The following ADGRD2 variants were observed in gnomAD, a reference collection of about 807,000 sequenced individuals.
The protein encoded by ADGRD2 is G protein-coupled receptor PGR24.
Under a neutral mutation model 44.4 loss-of-function variants are expected in ADGRD2, and 71 were observed. The ratio of observed to expected loss-of-function variants is 1.60; its 90% CI spans 1.32 to 1.95. ADGRD2 has a LOEUF of 1.95. Ranked by LOEUF, ADGRD2 falls within the 30% of genes most tolerant of loss-of-function variation. The pLI, the probability that ADGRD2 is intolerant of heterozygous loss-of-function variation, is 0.00. For missense variants in ADGRD2, 1,039 were observed against 512.4 expected (o/e 2.03, Z -9.92); for synonymous variants, 481 against 224.8 (o/e 2.14, Z -10.19).
At chr9:124,451,000 C>G (rs570552253), upstream of ADGRD2, 41 of 466,628 alleles carry the variant, frequency 8.8e-5, no homozygotes, top group Non-Finnish European at 1.6e-4. Flanking sequence ...TTAGGGTATC[C>G]CCGCTGAGCA....
exon 3 of ADGRD2, chr9:124,453,549 C>A (rs1458873698): frequency 2.9e-6 from 2 of 697,896 alleles, no homozygotes; most frequent in South Asian, 1.5e-5. Flanking sequence ...CGCTGAGCCC[C>A]GCTCAGCTGC....
At chr9:124,469,154 C>T (rs1588607564) in intron 14 of ADGRD2, 68 bp from the exon 18 acceptor site, 8 of 657,520 alleles carry the variant, frequency 1.2e-5, no homozygotes, top group East Asian at 8.1e-5. Flanking sequence ...GCTTGGGGGG[C>T]GGATCCTGGG....
chr9:124,469,243 C>A (rs370622173), exon 15 of ADGRD2: 1 of 715,908 alleles, frequency 1.4e-6, no homozygotes, highest in South Asian at 1.5e-5. Flanking sequence ...GGCATCGTGG[C>A]GGTCACCCTG....
At position 124,477,021 on chromosome 9, in the gene ADGRD2, G is replaced by A. The variant is rs1419751016; in HGVS notation, c.*18+312G>A. 7 of 633,592 alleles carry A rather than the reference G, an allele frequency of 1.1e-5. No individual in the cohort carries two copies. The Admixed American group carries it at 1.5e-4, about 13-fold the overall frequency. 39.2% of individuals were successfully genotyped at this position (633,592 alleles called of 1,614,324 possible). The stretch of plus-strand genomic sequence containing the variant: ...CAGGGGGGCGCTGCCAAGGAGCACA[G>A]CCTGCCTTTCTCTGTCCTCCCCCTC... On this transcript the variant is annotated intron_variant, in intron 21 of 21. Coordinates refer to ENST00000334810, the Ensembl canonical transcript of ADGRD2.
chr9:124,468,055 G>A (rs1453025761), intron 12 of ADGRD2, 33 bp from the exon 16 acceptor site: 2 of 718,214 alleles, frequency 2.8e-6, no homozygotes, highest in South Asian at 3.0e-5. Flanking sequence ...CAGCAGTGGT[G>A]TTCTTGTTAA....
chr9:124,475,580 G>A (rs985803876), exon 19 of ADGRD2: 58 of 699,558 alleles, frequency 8.3e-5, no homozygotes, highest in African/African-American at 7.4e-4. Flanking sequence ...GGTGCGGAGC[G>A]CCCTGCAGAG....
chr9:124,468,302 G>A, intron 13 of ADGRD2, 112 bp downstream of exon 16: 3 of 695,730 alleles, frequency 4.3e-6, no homozygotes, highest in Non-Finnish European at 7.9e-6. Flanking sequence ...CCACTTCCCT[G>A]GGGAGGAGCA....
At chr9:124,455,207 G>A (rs1350104645) in intron 6 of ADGRD2, 80 bp downstream of exon 9, 7 of 604,370 alleles carry the variant, frequency 1.2e-5, no homozygotes. Flanking sequence ...GTAGCTGTGG[G>A]GGAGTCAGCA....
In ADGRD2 at chr9:124,454,116, C is replaced by A; in HGVS notation, c.1022+19C>A. On this transcript the variant is annotated intron_variant, in intron 4 of 21. Transcript: ENST00000334810. This position sits in a 1 kb window ranked among gnomAD's most constrained non-coding sequence, Gnocchi z 4.5. ...CGGACAGGTGCGCCCTGGCTGTACC[C>A]CTGGGCTCTGCTGAAGGGAAAGCCG... 1.5e-6 allele frequency: 1 copy of A among 669,908 alleles called. No homozygotes were observed. The allele number at this position is 669,908 out of a possible 1,614,324, so 41.5% of individuals were successfully genotyped here. A position where few individuals can be genotyped will look rare whatever the true frequency, so the allele number is the denominator to read the frequency against.
intron 17 of ADGRD2, among the ~76,000 whole-genome samples, chr9:124,473,947 G>A (rs1829282102): frequency 6.6e-6 from 1 of 152,080 alleles, no homozygotes; most frequent in Non-Finnish European, 1.5e-5. Context: ...GAGTGTGGGG[G>A]GCAGACAGAG....
intron 17 of ADGRD2, among the ~76,000 whole-genome samples, chr9:124,471,542 A>G (rs905499721): frequency 2.0e-5 from 3 of 152,136 alleles, no homozygotes; most frequent in Non-Finnish European, 4.4e-5. Flanking sequence ...TGTATCTCCC[A>G]ATAAGCCTTG....
At chr9:124,465,039 C>T (rs1198851687) in intron 10 of ADGRD2, among the ~76,000 whole-genome samples, 1 of 152,160 alleles carries the variant, frequency 6.6e-6, no homozygotes. Context: ...TTAGCTTGTT[C>T]CCAGTTTTTC....
rs1388425888 is a variant in ADGRD2 at position 124,458,665 on chromosome 9, G to A, written c.1816G>A (p.Asp606Asn). Residue 606 changes from aspartate (D) to asparagine (N), a missense_variant, in exon 10 of 22, where the codon GAC becomes AAC. Coordinates refer to ENST00000334810, the Ensembl canonical transcript of ADGRD2. ...AGCCATCATCTCCTCTGAAGTGTGG[G>A]ACGTCACTGGAGAGGTCAACGTGGC... The A allele has an allele frequency of 5.6e-6, 4 of 718,594 alleles. No homozygotes were observed. In the Admixed American group the frequency reaches 8.0e-5, roughly 14 times the overall value. The allele number at this position is 718,594 out of a possible 1,614,324, so 44.5% of individuals were successfully genotyped here. A position where few individuals can be genotyped will look rare whatever the true frequency, so the allele number is the denominator to read the frequency against.
upstream of ADGRD2, chr9:124,451,296 C>T: frequency 2.2e-6 from 1 of 458,684 alleles, no homozygotes; most frequent in Non-Finnish European, 4.5e-6. Flanking sequence ...CTTCCCCCAC[C>T]CGCTGCAGGG....
exon 3 of ADGRD2, chr9:124,453,350 G>A: frequency 1.9e-6 from 1 of 517,746 alleles, no homozygotes; most frequent in Non-Finnish European, 3.3e-6. Flanking sequence ...TGGGAGCAGC[G>A]GGGCGGGCGC....
At chr9:124,453,463 G>C (rs1831544030) in exon 3 of ADGRD2, 1 of 701,040 alleles carries the variant, frequency 1.4e-6, no homozygotes, top group African/African-American at 1.8e-5. Flanking sequence ...CCAGGATCAG[G>C]ACTCTCTGGG....
intron 9 of ADGRD2, 57 bp downstream of exon 12, chr9:124,458,293 C>T: frequency 2.8e-6 from 2 of 710,436 alleles, no homozygotes; most frequent in Admixed American, 4.1e-5. Flanking sequence ...CCAAGGAAGG[C>T]CAAAGCCCCC....
intron 10 of ADGRD2, among the ~76,000 whole-genome samples, chr9:124,460,678 G>A (rs1831711100): frequency 6.6e-6 from 1 of 151,930 alleles, no homozygotes; most frequent in Admixed American, 6.6e-5. Flanking sequence ...GTATATGGAT[G>A]TACCATGATT....
chr9:124,469,490 G>A (rs772027548), exon 16 of ADGRD2: 135 of 718,118 alleles, frequency 1.9e-4, no homozygotes, highest in Admixed American at 4.2e-4. Context: ...GCCCGCCGCC[G>A]TGCCCGCATG....
Sources: allele counts gnomAD v4.1 joint callset (sites outside exome capture counted in the v4.1 genomes callset), GRCh38; gene constraint gnomAD v4.1.1; non-coding constraint Gnocchi (gnomAD v3.1); transcripts MANE v1.5; gene names NCBI Gene and HGNC (gene_info 2026-07-23, HGNC 2026-07-21).